The following SNTB1 variants were observed in gnomAD, a reference collection of about 807,000 sequenced individuals.
SNTB1 encodes the protein syntrophin beta 1.
SNTB1 carries 36 observed loss-of-function variants against 48.9 expected under a neutral mutation model. The ratio of observed to expected loss-of-function variants is 0.74; its 90% confidence interval spans 0.56 to 0.97. The LOEUF is 0.97. Ranked by LOEUF, SNTB1 falls within the 50% of genes least tolerant of loss-of-function variation. The probability of loss-of-function intolerance (pLI) is 0.00; values close to 1 mark genes in which losing one functional copy is unlikely to be tolerated. For synonymous variants in SNTB1, 299 were observed against 294.6 expected (o/e 1.01, Z -0.15); for missense variants, 786 against 703.4 (o/e 1.12, Z -1.33).
chr8:120,605,468 T>A (rs1328786198), intron 3 of SNTB1, among the ~76,000 whole-genome samples: 1 of 152,050 alleles, frequency 6.6e-6, no homozygotes, highest in African/African-American at 2.4e-5. Flanking sequence ...GAGACAAGAG[T>A]AGTGTATGTT....
chr8:120,777,061 T>C (rs1383862060), intron 1 of SNTB1, among the ~76,000 whole-genome samples: 1 of 152,154 alleles, frequency 6.6e-6, no homozygotes, highest in Admixed American at 6.5e-5. Flanking sequence ...TTTCTACCAC[T>C]AGATTTAGAA....
chr8:120,583,757 C>T (rs371686701), intron 3 of SNTB1, among the ~76,000 whole-genome samples: 41 of 152,210 alleles, frequency 2.7e-4, no homozygotes, highest in African/African-American at 9.2e-4. Context: ...ACTAGACTTA[C>T]GCTGATCCAA....
chr8:120,540,864 A>G (rs1012304293), intron 6 of SNTB1, among the ~76,000 whole-genome samples: 9 of 152,152 alleles, frequency 5.9e-5, no homozygotes, highest in Non-Finnish European at 2.9e-5. Context: ...ATCATTTAGA[A>G]GAGTGGGGCT....
chr8:120,776,557 A>T (rs1360077855), intron 1 of SNTB1: 1 of 152,204 alleles, frequency 6.6e-6, no homozygotes, highest in African/African-American at 2.4e-5. Context: ...CAGGATTACC[A>T]AAACTCTCAC....
At chr8:120,625,728 C>G (rs529628742) in intron 3 of SNTB1, among the ~76,000 whole-genome samples, 2 of 152,218 alleles carry the variant, frequency 1.3e-5, no homozygotes, top group Non-Finnish European at 2.9e-5. Context: ...TAAAGCAACA[C>G]AATAGGACTA....
chr8:120,626,222 TAGAG>T (rs906710966), intron 3 of SNTB1, among the ~76,000 whole-genome samples: 1 of 150,520 alleles, frequency 6.6e-6, no homozygotes, highest in African/African-American at 2.4e-5. Flanking sequence ...TATATATATA[TAGAG>T]AGAGAGAGAT....
intron 1 of SNTB1, among the ~76,000 whole-genome samples, chr8:120,732,181 G>A (rs12541284): frequency 0.069 from 10,538 of 152,152 alleles, 530 homozygotes; most frequent in East Asian, 0.18. Flanking sequence ...CGGGTAAATC[G>A]GCTACTTTTT....
intron 1 of SNTB1, among the ~76,000 whole-genome samples, chr8:120,799,216 C>T (rs1488183437): frequency 6.6e-6 from 1 of 152,020 alleles, no homozygotes; most frequent in Non-Finnish European, 1.5e-5. Context: ...TCTAGAATTA[C>T]ATCCCAAATA....
chr8:120,562,849 C>G (rs1296921273), intron 4 of SNTB1, among the ~76,000 whole-genome samples: 1 of 152,002 alleles, frequency 6.6e-6, no homozygotes, highest in South Asian at 2.1e-4. Context: ...TTCTTTCACT[C>G]TTCACAATAA....
intron 6 of SNTB1, among the ~76,000 whole-genome samples, chr8:120,540,639 C>G (rs750258628): frequency 2.0e-4 from 30 of 152,204 alleles, no homozygotes; most frequent in Non-Finnish European, 3.4e-4. Context: ...AAGTGGATGC[C>G]TCACACTGAA....
At chr8:120,624,152 G>T in intron 3 of SNTB1, among the ~76,000 whole-genome samples, 1 of 152,130 alleles carries the variant, frequency 6.6e-6, no homozygotes, top group Non-Finnish European at 1.5e-5. Flanking sequence ...TGGCCAGGCT[G>T]GTCTCAAACT....
chr8:120,578,928 G>A (rs1420299309), intron 3 of SNTB1, among the ~76,000 whole-genome samples: 1 of 152,194 alleles, frequency 6.6e-6, no homozygotes, highest in African/African-American at 2.4e-5. Flanking sequence ...TATAATCCCA[G>A]CACTTTGGGA....
chr8:120,678,869 G>C (rs1281239840), intron 2 of SNTB1, among the ~76,000 whole-genome samples: 2 of 152,064 alleles, frequency 1.3e-5, no homozygotes, highest in Non-Finnish European at 2.9e-5. Context: ...CATCACTCAG[G>C]CTCCTCCCTC....
At chr8:120,712,660 T>G (rs936945147) in intron 1 of SNTB1, among the ~76,000 whole-genome samples, 1 of 152,170 alleles carries the variant, frequency 6.6e-6, no homozygotes, top group Non-Finnish European at 1.5e-5. Context: ...GGTAAACTTA[T>G]TAATACCACA....
chr8:120,593,090 C>G (rs186751510), intron 3 of SNTB1, among the ~76,000 whole-genome samples: 262 of 152,270 alleles, frequency 1.7e-3, no homozygotes, highest in Non-Finnish European at 2.6e-3. Context: ...ACACTCCTAT[C>G]TTGCTTTGAT....
intron 1 of SNTB1, among the ~76,000 whole-genome samples, chr8:120,713,380 G>A (rs187945646): frequency 1.9e-4 from 29 of 152,156 alleles, no homozygotes; most frequent in Non-Finnish European, 3.5e-4. Context: ...CCCCCACCCC[G>A]CAGAAAAGTA....
intron 1 of SNTB1, among the ~76,000 whole-genome samples, chr8:120,796,757 C>T (rs1243941628): frequency 6.6e-6 from 1 of 152,020 alleles, no homozygotes; most frequent in Non-Finnish European, 1.5e-5. Flanking sequence ...AGCATTCCTT[C>T]CCATTCCTAA....
rs137865534 is a variant in SNTB1 at position 120,809,269 on chromosome 8, T to G, written c.571+2004A>C. 7.5e-3 allele frequency among the ~76,000 whole-genome samples: 1,147 copies of G among 152,304 alleles called. 14 individuals are homozygous for G. The highest frequency in any genetic ancestry group is 0.025 in the African/African-American group (1,029 of 41,548). On this transcript the variant is annotated intron_variant, in intron 1 of 6. Coordinates refer to ENST00000517992, the MANE Select transcript of SNTB1 (RefSeq NM_021021.4). ...GCAGCTGATTTTGAAAAACTTGGGC[T>G]GAGGATAAGGCTGCTACACTGAGCC...
At chr8:120,741,816 G>A (rs1356544946) in intron 1 of SNTB1, among the ~76,000 whole-genome samples, 1 of 152,094 alleles carries the variant, frequency 6.6e-6, no homozygotes, top group Non-Finnish European at 1.5e-5. Flanking sequence ...ATTTTTAAAG[G>A]TTGTAAAAAA....
Sources: gnomAD v4.1 joint callset for allele counts (sites outside exome capture counted in the v4.1 genomes callset) on GRCh38, gnomAD v4.1.1 for gene constraint, MANE v1.5 for transcripts, NCBI Gene and HGNC (gene_info 2026-07-23, HGNC 2026-07-21) for gene names.